The following ZNF385C variants were observed in gnomAD, a reference collection of about 807,000 sequenced individuals.
The protein encoded by ZNF385C is CTD-2132N18.2.
In ZNF385C, 28 loss-of-function variants were observed where a neutral mutation model predicts 35.4. The ratio of observed to expected loss-of-function variants is 0.79; its 90% CI spans 0.59 to 1.08. The LOEUF (loss-of-function observed/expected upper bound fraction) is 1.08, where lower values mean the gene tolerates loss of function less well. Among genes scored for constraint, ZNF385C ranks in the 50% least tolerant of loss-of-function variants. The pLI, the probability that ZNF385C is intolerant of heterozygous loss-of-function variation, is 0.00. For missense variants in ZNF385C, 605 were observed against 595.6 expected (o/e 1.02, Z -0.16); for synonymous variants, 248 against 248.2 (o/e 1.00, Z 0.01).
At chr17:42,043,601 T>C (rs1219148039) in intron 2 of ZNF385C, 5 of 378,026 alleles carry the variant, frequency 1.3e-5, no homozygotes, top group Non-Finnish European at 2.3e-5. Context: ...GTTAGGGGTC[T>C]GTCATGGTAG....
In ZNF385C at chr17:42,086,561, C is replaced by G. The variant is rs2053810304; in HGVS notation, c.-3+11849G>C. Among the ~76,000 whole-genome samples the G allele has an allele frequency of 1.3e-5, 2 of 151,236 alleles. 1 individual carries two copies. The highest frequency in any genetic ancestry group is 4.2e-4 in the South Asian group (2 of 4,782). ...TACTAAAAATACAAAAATTAGCCAG[C>G]CATGGTGGCGTGCGCCTGTCATTCC... On this transcript the variant is annotated intron_variant, in intron 1 of 8. Transcript: ENST00000692273.
chr17:42,049,652 G>T (rs575296623), intron 2 of ZNF385C, among the ~76,000 whole-genome samples: 1 of 152,368 alleles, frequency 6.6e-6, no homozygotes, highest in Non-Finnish European at 1.5e-5. Flanking sequence ...GGGCAGAGGG[G>T]TGCAAAAGCA....
intron 2 of ZNF385C, 195 bp from the exon 3 acceptor site, chr17:42,038,080 A>G (rs1555655676): frequency 2.0e-6 from 3 of 1,534,662 alleles, no homozygotes; most frequent in South Asian, 1.2e-5. Context: ...GGGGAAGCAG[A>G]GGCAGGGAGT....
At chr17:42,039,903 G>C in intron 2 of ZNF385C, 1 of 1,231,354 alleles carries the variant, frequency 8.1e-7, no homozygotes, top group Non-Finnish European at 1.0e-6. Context: ...GCAGGCCAGC[G>C]CCCGCGGGCA....
chr17:42,084,256 G>C (rs1470630806), intron 1 of ZNF385C, among the ~76,000 whole-genome samples: 1 of 149,806 alleles, frequency 6.7e-6, no homozygotes, highest in Non-Finnish European at 1.5e-5. Flanking sequence ...CTTGAGCCCA[G>C]AAGTTCCAGG....
At chr17:42,046,732 A>G (rs1555656650) in intron 2 of ZNF385C, among the ~76,000 whole-genome samples, 1 of 152,190 alleles carries the variant, frequency 6.6e-6, no homozygotes, top group East Asian at 1.9e-4. Flanking sequence ...AAAGATAAAT[A>G]AATAACATTT....
intron 2 of ZNF385C, among the ~76,000 whole-genome samples, chr17:42,060,526 G>A (rs182841886): frequency 6.6e-6 from 1 of 152,210 alleles, no homozygotes; most frequent in East Asian, 1.9e-4. Context: ...ATCTGGACTG[G>A]AGTACCAGGC....
intron 3 of ZNF385C, among the ~76,000 whole-genome samples, chr17:42,036,937 G>A (rs937481870): frequency 2.6e-5 from 4 of 152,200 alleles, no homozygotes; most frequent in South Asian, 2.1e-4. Flanking sequence ...TTTCACTTGA[G>A]TTTTCAAAAT....
intron 3 of ZNF385C, among the ~76,000 whole-genome samples, chr17:42,035,084 A>G (rs1448690342): frequency 7.9e-6 from 1 of 126,734 alleles, no homozygotes; most frequent in Admixed American, 1.1e-4. Context: ...GCGCCACTGC[A>G]CTCCAGCCTG....
At chr17:42,048,098 C>A (rs905433305) in intron 2 of ZNF385C, among the ~76,000 whole-genome samples, 2 of 152,136 alleles carry the variant, frequency 1.3e-5, no homozygotes, top group Admixed American at 1.3e-4. Context: ...TCCTCCCCCC[C>A]TTCCCAACTT....
chr17:42,049,950 ATC>A, intron 2 of ZNF385C, among the ~76,000 whole-genome samples: 1 of 152,258 alleles, frequency 6.6e-6, no homozygotes, highest in Non-Finnish European at 1.5e-5. Flanking sequence ...GCACATTTAC[ATC>A]ATCCCAGAAA....
At chr17:42,090,336 G>C (rs1200993795) in intron 1 of ZNF385C, among the ~76,000 whole-genome samples, 2 of 141,642 alleles carry the variant, frequency 1.4e-5, no homozygotes, top group African/African-American at 5.3e-5. Context: ...GCCCAGGCTG[G>C]AGTGCAATTG....
chr17:42,046,852 TA>T (rs1364419128), intron 2 of ZNF385C, among the ~76,000 whole-genome samples: 5 of 151,738 alleles, frequency 3.3e-5, no homozygotes, highest in Admixed American at 6.6e-5. Context: ...AATTAGATGA[TA>T]TTTTTTTTCC....
chr17:42,027,671 T>C lies in ZNF385C; in HGVS notation c.1222A>G (p.Ser408Gly). The change falls in exon 8 of 9, where the codon AGC becomes GGC. Residue 408 changes from serine (S) to glycine (G), a missense_variant. Ser to Gly is a moderately conservative substitution (Grantham distance 56). Coordinates refer to ENST00000692273, the MANE Select transcript of ZNF385C (RefSeq NM_001392013.1). ...RLAGKTPKPS[S>G]QHSKLQKHAA... ...TGCTTCTGCAGCTTGCTGTGCTGGC[T>C]GGAGGGCTTGGGGGTCTTCCCGGCC... 1 of 1,610,026 alleles carries C rather than the reference T, an allele frequency of 6.2e-7. No individual in the cohort carries two copies. Among genetic ancestry groups the C allele is most frequent in the Non-Finnish European group, 8.5e-7 (1 of 1,178,220 alleles).
chr17:42,038,848 C>T (rs2052930551), intron 2 of ZNF385C: 1 of 152,226 alleles, frequency 6.6e-6, no homozygotes, highest in Non-Finnish European at 1.5e-5. Context: ...GCCCTTGAAC[C>T]ACCAGCTTGT....
chr17:42,074,563 G>A (rs1301589489), intron 1 of ZNF385C, among the ~76,000 whole-genome samples: 1 of 152,094 alleles, frequency 6.6e-6, no homozygotes, highest in Non-Finnish European at 1.5e-5. Context: ...GGTTATTTTT[G>A]TATTTTTAGT....
intron 1 of ZNF385C, among the ~76,000 whole-genome samples, chr17:42,073,332 G>A (rs1555659016): frequency 3.9e-5 from 6 of 152,096 alleles, no homozygotes; most frequent in African/African-American, 1.4e-4. Flanking sequence ...TACTCAGGAG[G>A]CTAAGATGGG....
chr17:42,080,464 G>T (rs551406640), intron 1 of ZNF385C, among the ~76,000 whole-genome samples: 8 of 152,190 alleles, frequency 5.3e-5, no homozygotes, highest in Non-Finnish European at 1.0e-4. Context: ...TTGGGGTCCT[G>T]TCCTCCTCCT....
rs35206698 is a variant in ZNF385C at position 42,044,140 on chromosome 17, TA to T, written c.251-6256del. 4.0e-3 allele frequency among the ~76,000 whole-genome samples: 332 copies of T among 83,592 alleles called. 1 individual carries two copies. Among genetic ancestry groups the T allele is most frequent in the African/African-American group, 0.015 (315 of 20,974 alleles). The allele number at this position is 83,592 out of a possible 152,430, so 54.8% of individuals were successfully genotyped here. ...GGGCAACATGGCAAAACCCCATCTC[TA>T]AAAAAAAAAAAAAAAAAAAAAATTA... is the stretch of plus-strand genomic sequence containing the variant. On this transcript the variant is annotated intron_variant, in intron 2 of 8. Transcript: ENST00000692273.
Sources: gnomAD v4.1 joint callset for allele counts (sites outside exome capture counted in the v4.1 genomes callset) on GRCh38, gnomAD v4.1.1 for gene constraint, MANE v1.5 for transcripts, NCBI Gene and HGNC (gene_info 2026-07-23, HGNC 2026-07-21) for gene names.